Variants in ABCD2 observed in about 807,000 individuals in gnomAD.
The protein encoded by ABCD2 is ATP-binding cassette sub-family D member 2.
ABCD2 carries 36 observed loss-of-function variants against 70.9 expected under a neutral mutation model. The ratio of observed to expected loss-of-function variants is 0.51; its 90% CI spans 0.39 to 0.67. ABCD2 has a LOEUF of 0.67. Ranked by LOEUF, ABCD2 falls within the 30% of genes least tolerant of loss-of-function variation. ABCD2 has a pLI of 0.00. For missense variants in ABCD2, 729 were observed against 890.2 expected (o/e 0.82, Z 2.30); for synonymous variants, 304 against 306.9 (o/e 0.99, Z 0.10).
At chr12:39,538,717 A>C in the ABCD2 span, among the ~76,000 whole-genome samples, 1 of 152,212 alleles carries the variant, frequency 6.6e-6, no homozygotes, top group Non-Finnish European at 1.5e-5. Flanking sequence ...TCGCAGACCC[A>C]GTCCCAAGGC....
At chr12:39,585,790 A>T (rs1368496699) in intron 7 of ABCD2, among the ~76,000 whole-genome samples, 1 of 152,164 alleles carries the variant, frequency 6.6e-6, no homozygotes, top group Non-Finnish European at 1.5e-5. Flanking sequence ...TTCTCAAATT[A>T]TTTAATTTAA....
intron 6 of ABCD2, among the ~76,000 whole-genome samples, chr12:39,597,571 G>C (rs1941833916): frequency 6.6e-6 from 1 of 152,124 alleles, no homozygotes; most frequent in Admixed American, 6.5e-5. Flanking sequence ...CTGAGGTCAG[G>C]ATGGCTAATA....
intron 1 of ABCD2, 112 bp downstream of exon 1, chr12:39,618,565 T>A (rs1198317648): frequency 2.5e-5 from 22 of 897,046 alleles, no homozygotes; most frequent in Non-Finnish European, 3.4e-5. Flanking sequence ...GTCAGAGGAA[T>A]CTAAGACACT....
intron 9 of ABCD2, among the ~76,000 whole-genome samples, chr12:39,568,913 G>A (rs1276597414): frequency 6.6e-6 from 1 of 152,166 alleles, no homozygotes; most frequent in Non-Finnish European, 1.5e-5. Flanking sequence ...GTTTGTCTGG[G>A]TATCAGCTGT....
At chr12:39,564,455 T>C (rs905903587) in intron 9 of ABCD2, among the ~76,000 whole-genome samples, 2 of 152,188 alleles carry the variant, frequency 1.3e-5, no homozygotes, top group Non-Finnish European at 2.9e-5. Context: ...TCATATCCTT[T>C]GCCCACTTTT....
the ABCD2 span, among the ~76,000 whole-genome samples, chr12:39,533,693 T>C: frequency 1.3e-5 from 2 of 152,248 alleles, no homozygotes; most frequent in Non-Finnish European, 2.9e-5. Context: ...TAGAATGTCA[T>C]AATCTCTAGT....
the ABCD2 span, among the ~76,000 whole-genome samples, chr12:39,534,844 G>T: frequency 2.8e-5 from 4 of 142,096 alleles, no homozygotes; most frequent in Non-Finnish European, 6.2e-5. Context: ...AAGAAAGAAA[G>T]AAATAAAGAA....
chr12:39,603,924 C>A lies in ABCD2; in HGVS notation c.1488G>T (p.Arg496Ser), dbSNP rs955662896. Residue 496 changes from arginine (R) to serine (S), a missense_variant, in exon 5 of 10, where the codon AGG (arginine) becomes AGT (serine). Physicochemically the swap from Arg to Ser is moderately radical, Grantham distance 110. This residue lies in a region of ABCD2 where 289 missense variants were observed against 328.8 expected (regional missense o/e 0.88). Coordinates refer to ENST00000308666, the MANE Select transcript of ABCD2 (RefSeq NM_005164.4). ...AATATCATCTTACTTTGAAGTTTAG[C>A]CTGGAAGCCACCACTTCTCCTGCTG... Reference protein sequence around the residue: ...ITPAGEVVASRLNFKVEEGMH... With the variant: ...ITPAGEVVASSLNFKVEEGMH... 6.2e-7 allele frequency: 1 copy of A among 1,610,932 alleles called. No individual in the cohort carries two copies.
chr12:39,604,359 T>C (rs1212172990), intron 4 of ABCD2, among the ~76,000 whole-genome samples: 2 of 151,858 alleles, frequency 1.3e-5, no homozygotes, highest in African/African-American at 4.8e-5. Flanking sequence ...AAAACCACAG[T>C]GCTGCAAAAA....
At chr12:39,584,193 T>A (rs1282415672) in intron 7 of ABCD2, among the ~76,000 whole-genome samples, 1 of 152,190 alleles carries the variant, frequency 6.6e-6, no homozygotes, top group Non-Finnish European at 1.5e-5. Context: ...TTTTTTGACT[T>A]TTTATTAATA....
chr12:39,546,392 C>G (rs1041147157), downstream of ABCD2, among the ~76,000 whole-genome samples: 7 of 152,040 alleles, frequency 4.6e-5, no homozygotes, highest in African/African-American at 1.2e-4. Context: ...ATGTATTGTT[C>G]TAGGTGCCAT....
At chr12:39,604,176 G>A (rs564204992) in intron 4 of ABCD2, among the ~76,000 whole-genome samples, 170 bp from the exon 5 acceptor site, 2 of 152,138 alleles carry the variant, frequency 1.3e-5, no homozygotes, top group African/African-American at 4.8e-5. Flanking sequence ...AAAGTTTAAT[G>A]TAATGCAAAT....
intron 6 of ABCD2, among the ~76,000 whole-genome samples, chr12:39,600,214 G>A (rs1465486147): frequency 4.6e-5 from 7 of 152,102 alleles, no homozygotes; most frequent in African/African-American, 1.4e-4. Flanking sequence ...GATGGAGAGA[G>A]CTGTATACTT....
At chr12:39,566,449 T>C (rs1291265479) in intron 9 of ABCD2, among the ~76,000 whole-genome samples, 1 of 152,220 alleles carries the variant, frequency 6.6e-6, no homozygotes, top group Non-Finnish European at 1.5e-5. Context: ...GATGGTAGTT[T>C]GTATTTCTGT....
intron 6 of ABCD2, among the ~76,000 whole-genome samples, chr12:39,589,518 G>T (rs984039592): frequency 4.0e-5 from 6 of 151,282 alleles, no homozygotes; most frequent in Non-Finnish European, 8.8e-5. Context: ...CTCCCAAGTA[G>T]CTGGGACTAC....
At chr12:39,579,098 A>T (rs1941560563) in intron 8 of ABCD2, among the ~76,000 whole-genome samples, 1 of 152,262 alleles carries the variant, frequency 6.6e-6, no homozygotes, top group African/African-American at 2.4e-5. Context: ...ACGGTGGCTC[A>T]CGCCTGTAAT....
chr12:39,582,575 C>G (rs1360715057), intron 7 of ABCD2, among the ~76,000 whole-genome samples: 1 of 152,150 alleles, frequency 6.6e-6, no homozygotes, highest in African/African-American at 2.4e-5. Context: ...CAAACGTCCT[C>G]AAAATAACTT....
intron 9 of ABCD2, among the ~76,000 whole-genome samples, chr12:39,573,212 G>A (rs1941472118): frequency 1.3e-5 from 2 of 151,926 alleles, no homozygotes; most frequent in Admixed American, 6.6e-5. Context: ...AATTCTATAT[G>A]GTTTTATGAG....
chr12:39,604,624 A>G (rs1941945860), intron 4 of ABCD2, 138 bp downstream of exon 4: 3 of 594,554 alleles, frequency 5.0e-6, no homozygotes, highest in Non-Finnish European at 8.2e-6. Context: ...CAATACTAAT[A>G]TTAGGGATTG....
Sources: allele counts gnomAD v4.1 joint callset (sites outside exome capture counted in the v4.1 genomes callset), GRCh38; gene constraint gnomAD v4.1.1; regional missense constraint gnomAD v4.1.1; transcripts MANE v1.5; gene names NCBI Gene and HGNC (gene_info 2026-07-23, HGNC 2026-07-21).